Variants in EPB41L2 observed in about 807,000 individuals in gnomAD.
EPB41L2 encodes band 4.1-like protein 2.
EPB41L2 carries 43 observed loss-of-function variants against 113.0 expected under a neutral mutation model. The ratio of observed to expected loss-of-function variants is 0.38; its 90% CI spans 0.30 to 0.49. The LOEUF is 0.49. Among genes scored for constraint, EPB41L2 ranks in the 20% least tolerant of loss-of-function variants. The pLI is 0.95. For synonymous variants in EPB41L2, 442 were observed against 436.7 expected, an observed-to-expected ratio of 1.01 and a Z score of -0.15; for missense variants, 1,147 against 1,223.4, an observed-to-expected ratio of 0.94 and a Z score of 0.93.
At chr6:131,024,314 G>A (rs899933049) in intron 1 of EPB41L2, among the ~76,000 whole-genome samples, 2 of 152,164 alleles carry the variant, frequency 1.3e-5, no homozygotes, top group African/African-American at 2.4e-5. Flanking sequence ...GATATCACTC[G>A]TGTGTTGGGT....
intron 11 of EPB41L2, among the ~76,000 whole-genome samples, chr6:130,887,131 CAAATT>C (rs1304555703): frequency 2.6e-5 from 4 of 152,142 alleles, no homozygotes; most frequent in Non-Finnish European, 4.4e-5. Flanking sequence ...ATTTGAATAT[CAAATT>C]AAAAGTTATT....
At chr6:130,857,261 TTAAG>T (rs1331589472) in intron 19 of EPB41L2, among the ~76,000 whole-genome samples, 2 of 152,194 alleles carry the variant, frequency 1.3e-5, no homozygotes, top group African/African-American at 4.8e-5. Context: ...ATGCATTGAT[TTAAG>T]TAATAGTGAG....
chr6:131,054,762 G>T (rs1797289009), intron 1 of EPB41L2, among the ~76,000 whole-genome samples: 1 of 152,234 alleles, frequency 6.6e-6, no homozygotes, highest in Non-Finnish European at 1.5e-5. Flanking sequence ...TAAAGGAAGG[G>T]CCAGGGGAAG....
At chr6:130,886,075 C>T (rs934814633) in intron 11 of EPB41L2, among the ~76,000 whole-genome samples, 4 of 152,212 alleles carry the variant, frequency 2.6e-5, no homozygotes, top group Admixed American at 1.3e-4. Flanking sequence ...CCTCCCCAAA[C>T]AACAGAACTA....
intron 1 of EPB41L2, among the ~76,000 whole-genome samples, chr6:130,980,455 C>A (rs1169594172): frequency 6.6e-6 from 1 of 151,704 alleles, no homozygotes; most frequent in Non-Finnish European, 1.5e-5. Context: ...AAGAGTTTAA[C>A]CTTCAATAGC....
chr6:131,023,791 A>G (rs13207929), intron 1 of EPB41L2, among the ~76,000 whole-genome samples: 19,272 of 146,498 alleles, frequency 0.13, 1,377 homozygotes, highest in Admixed American at 0.16. Context: ...ATATATAGAT[A>G]TATCCCTTTC....
At position 131,058,909 on chromosome 6, in the gene EPB41L2, G is replaced by C. The variant is rs959148286; in HGVS notation, c.-15+4246C>G. ...CACACGCCTGTAATTCCAGCTACTTGGAAGGCTGAAGCACGAGAATTACTT... is the reference window on the plus strand; with the variant it reads ...CACACGCCTGTAATTCCAGCTACTTCGAAGGCTGAAGCACGAGAATTACTT... On this transcript the variant is annotated intron_variant, in intron 1 of 19. Coordinates refer to ENST00000337057, the MANE Select transcript of EPB41L2 (RefSeq NM_001431.4). Among the ~76,000 whole-genome samples the C allele has an allele frequency of 2.6e-5, 4 of 152,228 alleles. No individual in the cohort carries two copies. In the East Asian group the frequency reaches 5.8e-4, roughly 22 times the overall value.
chr6:131,000,276 T>C (rs1477944470), intron 1 of EPB41L2, among the ~76,000 whole-genome samples: 1 of 151,790 alleles, frequency 6.6e-6, no homozygotes, highest in Non-Finnish European at 1.5e-5. Context: ...CAGCAGAAAA[T>C]AGGAACACAG....
intron 1 of EPB41L2, among the ~76,000 whole-genome samples, chr6:131,016,475 GAAACACACACAC>G (rs1788222497): frequency 1.3e-5 from 1 of 79,740 alleles, no homozygotes; most frequent in Non-Finnish European, 2.6e-5. Context: ...ATTTAATAAG[GAAACACACACAC>G]ACACACACAC....
At chr6:130,966,482 A>G (rs1218101102) in intron 1 of EPB41L2, among the ~76,000 whole-genome samples, 3 of 151,300 alleles carry the variant, frequency 2.0e-5, no homozygotes, top group Non-Finnish European at 4.4e-5. Context: ...TGGGAGATAC[A>G]CAAATAAAGG....
At chr6:130,873,016 C>A (rs1192887266) in intron 14 of EPB41L2, among the ~76,000 whole-genome samples, 1 of 152,118 alleles carries the variant, frequency 6.6e-6, no homozygotes. Flanking sequence ...CTGAGGCCCA[C>A]TTCATAGTCT....
intron 1 of EPB41L2, among the ~76,000 whole-genome samples, chr6:130,984,646 G>C (rs563967406): frequency 6.8e-4 from 104 of 152,218 alleles, no homozygotes; most frequent in Non-Finnish European, 6.3e-4. Flanking sequence ...CTATAAACTC[G>C]AGGTAACTGT....
intron 13 of EPB41L2, 129 bp downstream of exon 13, chr6:130,880,015 G>A (rs1474982444): frequency 2.5e-5 from 16 of 645,588 alleles, no homozygotes; most frequent in African/African-American, 1.1e-4. Flanking sequence ...ATGCACTCCC[G>A]AGCTGAATTC....
intron 12 of EPB41L2, among the ~76,000 whole-genome samples, chr6:130,884,181 A>G (rs745660893): frequency 6.6e-6 from 1 of 151,976 alleles, no homozygotes; most frequent in African/African-American, 2.4e-5. Flanking sequence ...TAAAAATACA[A>G]AATTAGCCGG....
intron 3 of EPB41L2, among the ~76,000 whole-genome samples, chr6:130,951,629 CATTA>C (rs1445632103): frequency 1.3e-5 from 2 of 151,824 alleles, no homozygotes; most frequent in Admixed American, 1.3e-4. Context: ...CGGCCAGCCT[CATTA>C]ATTTTAATGG....
rs1463146537 is a variant in EPB41L2 at position 130,840,187 on chromosome 6, CAG to C, written c.*415_*416del. The C allele has an allele frequency of 2.0e-5, 3 of 152,562 alleles. No individual in the cohort carries two copies. The highest frequency in any genetic ancestry group is 7.2e-5 in the African/African-American group (3 of 41,442). 9.5% of individuals were successfully genotyped at this position (152,562 alleles called of 1,614,324 possible). ...GGAAAGCCACTATCTAAATTAGTCA[CAG>C]AGTTTCCTTTCTGCGCAACAGCACC... On this transcript the variant is annotated 3_prime_UTR_variant, in exon 20 of 20. Coordinates refer to ENST00000337057, the MANE Select transcript of EPB41L2 (RefSeq NM_001431.4).
Position 130,901,017 on chromosome 6 carries a change from G to A in EPB41L2, c.1093C>T (p.Pro365Ser), listed in dbSNP as rs764048270. Residue 365 changes from proline (P) to serine (S), a missense_variant, in exon 7 of 20, where the codon CCT becomes TCT. Pro to Ser is a moderately conservative substitution (Grantham distance 74). Coordinates refer to ENST00000337057, the MANE Select transcript of EPB41L2 (RefSeq NM_001431.4). ...TCTTCCAGCTCCTTAGTCTGAGTAG[G>A]GGCAAACTGGAATTCACTGAGGTCG... is the stretch of plus-strand genomic sequence containing the variant. ...SIDLSEFQFA[P>S]TQTKELEEKV... The A allele has an allele frequency of 2.6e-5, 42 of 1,614,114 alleles. No homozygotes were observed. The highest frequency in any genetic ancestry group is 3.4e-5 in the Non-Finnish European group (40 of 1,180,010).
intron 1 of EPB41L2, among the ~76,000 whole-genome samples, chr6:131,028,554 C>T (rs944591317): frequency 4.6e-5 from 7 of 152,148 alleles, no homozygotes; most frequent in Non-Finnish European, 1.0e-4. Flanking sequence ...CACTATAATA[C>T]TACATTGTCT....
At chr6:130,993,498 G>A (rs9492779) in intron 1 of EPB41L2, among the ~76,000 whole-genome samples, 1 of 152,194 alleles carries the variant, frequency 6.6e-6, no homozygotes, top group Admixed American at 6.5e-5. Flanking sequence ...GGTGGGCTGA[G>A]GCTTAAAATG....
Sources: allele counts gnomAD v4.1 joint callset (sites outside exome capture counted in the v4.1 genomes callset), GRCh38; gene constraint gnomAD v4.1.1; transcripts MANE v1.5; gene names NCBI Gene and HGNC (gene_info 2026-07-23, HGNC 2026-07-21).